ADAMTS5: variants seen among roughly 807,000 people sequenced by gnomAD.
ADAMTS5 encodes ADAM metallopeptidase with thrombospondin type 1 motif 5, also known as A disintegrin and metalloproteinase with thrombospondin motifs 5.
Under a neutral mutation model 81.4 loss-of-function variants are expected in ADAMTS5, and 54 were observed. That is an observed-to-expected ratio of 0.66 (90% CI 0.53 to 0.83). ADAMTS5 has a LOEUF of 0.83. Ranked by LOEUF, ADAMTS5 falls within the 40% of genes least tolerant of loss-of-function variation. The pLI, the probability that ADAMTS5 is intolerant of heterozygous loss-of-function variation, is 0.00. For missense variants in ADAMTS5, 1,194 were observed against 1,229.9 expected (o/e 0.97, Z 0.44); for synonymous variants, 532 against 508.8 (o/e 1.05, Z -0.61).
Position 26,924,252 on chromosome 21 carries a change from T to C in ADAMTS5, c.2594A>G (p.His865Arg), listed in dbSNP as rs111539348. ...STPKVNSVTS[H>R]GSNKVGSHTS... is the part of the protein sequence containing the mutation. Reference sequence around the variant, plus strand: ...GTGTGATCCCACTTTATTGCTGCCATGACTAGTGACAGAGTTTACTTTTGG... The same window carrying C: ...GTGTGATCCCACTTTATTGCTGCCACGACTAGTGACAGAGTTTACTTTTGG... Residue 865 changes from histidine (H) to arginine (R), a missense_variant, in exon 8 of 8, where the codon CAT (histidine) becomes CGT (arginine). By Grantham distance (29) the His-to-Arg change is conservative (BLOSUM62 0). This residue lies in a region of ADAMTS5 where 696 missense variants were observed against 817.6 expected (regional missense o/e 0.85). Transcript: ENST00000284987. 1 of 1,614,204 alleles carries C rather than the reference T, an allele frequency of 6.2e-7. No homozygotes were observed. The highest frequency in any genetic ancestry group is 2.2e-5 in the East Asian group (1 of 44,870).
At chr21:26,963,577 T>C (rs1987570525) in intron 1 of ADAMTS5, among the ~76,000 whole-genome samples, 1 of 128,216 alleles carries the variant, frequency 7.8e-6, no homozygotes, top group African/African-American at 3.0e-5. Flanking sequence ...CTCCAAAGCC[T>C]CCTTCTTGGC....
rs765253797 is a variant in ADAMTS5, at chr21:26,921,760, T to C, written c.*2293A>G. ...TTAAAAGCATGGAATAGTGGTTTAA[T>C]TGCTCTGAGCTCTCTAGGATTGTTT... On this transcript the variant is annotated 3_prime_UTR_variant, in exon 8 of 8. Transcript: ENST00000284987. 2 of 152,526 alleles carry C rather than the reference T, an allele frequency of 1.3e-5. No homozygotes were observed. The highest frequency in any genetic ancestry group is 2.9e-5 in the Non-Finnish European group (2 of 67,952). The allele number at this position is 152,526 out of a possible 1,614,324, so 9.4% of individuals were successfully genotyped here. A position where few individuals can be genotyped will look rare whatever the true frequency, so the allele number is the denominator to read the frequency against.
In ADAMTS5 at chr21:26,966,043, C is replaced by T. The variant is rs1987653643; in HGVS notation, c.349G>A (p.Gly117Arg). The change falls in exon 1 of 8, where the codon GGA becomes AGA. Residue 117 changes from glycine (G) to arginine (R), a missense_variant. This residue lies in a region of ADAMTS5 where 498 missense variants were observed against 412.3 expected (regional missense o/e 1.21). Transcript: ENST00000284987. ...SVGIAGFVPA[G>R]GGTSAPWRHR... ...CGCCAGGGCGCACTCGTCCCGCCTC[C>T]TGCGGGCACGAAGCCAGCAATGCCC... The T allele has an allele frequency of 3.7e-6, 6 of 1,613,240 alleles. No homozygotes were observed. Among genetic ancestry groups the T allele is most frequent in the Non-Finnish European group, 5.1e-6 (6 of 1,179,944 alleles).
chr21:26,927,445 A>G (rs186918170), intron 7 of ADAMTS5, among the ~76,000 whole-genome samples: 65 of 152,272 alleles, frequency 4.3e-4, no homozygotes, highest in East Asian at 1.5e-3. Context: ...GAGATTCTGG[A>G]AAGTGTACTG....
At chr21:26,958,266 A>G (rs1259021120) in intron 1 of ADAMTS5, among the ~76,000 whole-genome samples, 1 of 152,190 alleles carries the variant, frequency 6.6e-6, no homozygotes, top group Non-Finnish European at 1.5e-5. Flanking sequence ...AAATTAAGGA[A>G]GAACACCTTA....
chr21:26,966,747 G>T lies in ADAMTS5; in HGVS notation c.-356C>A, dbSNP rs1435828531. On this transcript the variant is annotated 5_prime_UTR_variant, in exon 1 of 8. Transcript: ENST00000284987. Reference sequence around the variant, plus strand: ...AAAACCACCAAATGCAGGCACGATCGCTGTTTCAAGAAAAGTAAGGAAAGG... The same window carrying T: ...AAAACCACCAAATGCAGGCACGATCTCTGTTTCAAGAAAAGTAAGGAAAGG... 6.6e-6 allele frequency among the ~76,000 whole-genome samples: 1 copy of T among 151,910 alleles called. No individual in the cohort carries two copies. Among genetic ancestry groups the T allele is most frequent in the Admixed American group, 6.6e-5 (1 of 15,262 alleles).
In ADAMTS5 at chr21:26,923,844, T is replaced by C; in HGVS notation, c.*209A>G. Reference sequence around the variant, plus strand: ...CAGGGGATGTTCAATAACTCCCAAGTTTTTCTATATTGCAAGGTCACCACT... The same window carrying C: ...CAGGGGATGTTCAATAACTCCCAAGCTTTTCTATATTGCAAGGTCACCACT... On this transcript the variant is annotated 3_prime_UTR_variant, in exon 8 of 8. Coordinates refer to ENST00000284987, the MANE Select transcript of ADAMTS5 (RefSeq NM_007038.5). 2.0e-6 allele frequency: 1 copy of C among 503,548 alleles called. No homozygotes were observed. Among genetic ancestry groups the C allele is most frequent in the Non-Finnish European group, 3.5e-6 (1 of 288,584 alleles). 31.2% of individuals were successfully genotyped at this position (503,548 alleles called of 1,614,324 possible).
In ADAMTS5 at chr21:26,966,538, G is replaced by A. The variant is rs2123216644; in HGVS notation, c.-147C>T. On this transcript the variant is annotated 5_prime_UTR_variant, in exon 1 of 8. Coordinates refer to ENST00000284987, the MANE Select transcript of ADAMTS5 (RefSeq NM_007038.5). ...GTGTCGGAGGGAGGGGGGCCCGGCAGCAGCGCCAGCCTGTCCGGGCTGCGG... is the reference window on the plus strand; with the variant it reads ...GTGTCGGAGGGAGGGGGGCCCGGCAACAGCGCCAGCCTGTCCGGGCTGCGG... The A allele has an allele frequency of 4.0e-6, 3 of 749,366 alleles. No homozygotes were observed. The highest frequency in any genetic ancestry group is 3.8e-6 in the Non-Finnish European group (2 of 526,484). 46.4% of individuals were successfully genotyped at this position (749,366 alleles called of 1,614,324 possible).
intron 7 of ADAMTS5, among the ~76,000 whole-genome samples, chr21:26,926,812 A>G (rs1600998462): frequency 6.6e-6 from 1 of 152,202 alleles, no homozygotes; most frequent in African/African-American, 2.4e-5. Context: ...GCAGAGTTTA[A>G]ATGATGCCCA....
In ADAMTS5 at chr21:26,965,831, T is replaced by C. The variant is rs1281640268; in HGVS notation, c.561A>G (p.Ala187=). 2.5e-6 allele frequency: 4 copies of C among 1,611,382 alleles called. No individual in the cohort carries two copies. The highest frequency in any genetic ancestry group is 1.7e-4 in the Middle Eastern group (1 of 6,056). The change falls in exon 1 of 8, where the codon GCA becomes GCG. Residue 187 remains alanine (A), a synonymous_variant. Transcript: ENST00000284987. ...EKGRVYGDGS[A]RILHVYTREG... ...CGCGGGTGTAGACGTGCAGGATCCG[T>C]GCGGACCCATCCCCGTACACGCGCC...
intron 2 of ADAMTS5, among the ~76,000 whole-genome samples, chr21:26,954,224 G>A (rs999818759): frequency 1.3e-5 from 2 of 152,010 alleles, no homozygotes; most frequent in Non-Finnish European, 2.9e-5. Flanking sequence ...ACCCTGTTGA[G>A]TGTCAGGCTT....
intron 3 of ADAMTS5, among the ~76,000 whole-genome samples, chr21:26,939,008 C>T (rs993864799): frequency 4.6e-5 from 7 of 152,204 alleles, no homozygotes; most frequent in African/African-American, 1.7e-4. Context: ...AGAAGCCTAA[C>T]ACCACTGCTT....
At position 26,965,709 on chromosome 21, in the gene ADAMTS5, G is replaced by A; in HGVS notation, c.683C>T (p.Pro228Leu). The A allele has an allele frequency of 6.3e-7, 1 of 1,584,456 alleles. No homozygotes were observed. Among genetic ancestry groups the A allele is most frequent in the South Asian group, 1.1e-5 (1 of 87,562 alleles). Residue 228 changes from proline to leucine, a missense_variant, in exon 1 of 8, where the codon CCG becomes CTG. Physicochemically the swap from Pro to Leu is moderately conservative, Grantham distance 98 (BLOSUM62 -3). This residue lies in a region of ADAMTS5 where 498 missense variants were observed against 412.3 expected (regional missense o/e 1.21). Coordinates refer to ENST00000284987, the MANE Select transcript of ADAMTS5 (RefSeq NM_007038.5). ...AHEHAPAHSN[P>L]SGRAALASQL... ...CGAGGCCAGTGCTGCGCGTCCGCTC[G>A]GGTTGCTGTGCGCCGGAGCATGCTC...
At chr21:26,931,746 G>A (rs1176697371) in intron 6 of ADAMTS5, among the ~76,000 whole-genome samples, 1 of 152,208 alleles carries the variant, frequency 6.6e-6, no homozygotes, top group African/African-American at 2.4e-5. Context: ...TTCCTTGACA[G>A]TGAGTTACAC....
intron 1 of ADAMTS5, among the ~76,000 whole-genome samples, chr21:26,963,249 A>G (rs779838683): frequency 6.6e-6 from 1 of 152,046 alleles, no homozygotes; most frequent in Non-Finnish European, 1.5e-5. Context: ...TCTATTTAAA[A>G]TATGCTGTTA....
Position 26,924,037 on chromosome 21 carries a change from A to C in ADAMTS5, c.*16T>G. On this transcript the variant is annotated 3_prime_UTR_variant, in exon 8 of 8. Transcript: ENST00000284987. Reference sequence around the variant, plus strand: ...AATCCTCCAGTTATCTTTGTGCATAAGATCATAACCACAGGCTAACATTTC... The same window carrying C: ...AATCCTCCAGTTATCTTTGTGCATACGATCATAACCACAGGCTAACATTTC... 1 of 1,572,136 alleles carries C rather than the reference A, an allele frequency of 6.4e-7. No homozygotes were observed.
rs1053506900 is a variant in ADAMTS5, at chr21:26,923,987, G to T, written c.*66C>A. ...TTTCTGTGCGTTAGGTAGACCTCCT[G>T]TTCACCACGACTGCATCAGTGCTGA... On this transcript the variant is annotated 3_prime_UTR_variant, in exon 8 of 8. Transcript: ENST00000284987. 8.5e-5 allele frequency: 126 copies of T among 1,478,400 alleles called. No individual in the cohort carries two copies. The East Asian group carries it at 2.5e-3, about 30-fold the overall frequency. The allele number at this position is 1,478,400 out of a possible 1,614,324, so 91.6% of individuals were successfully genotyped here. A position where few individuals can be genotyped will look rare whatever the true frequency, so the allele number is the denominator to read the frequency against.
intron 7 of ADAMTS5, among the ~76,000 whole-genome samples, chr21:26,927,247 C>T (rs760739556): frequency 3.0e-4 from 45 of 152,278 alleles, no homozygotes; most frequent in Non-Finnish European, 5.1e-4. Flanking sequence ...TTCAAGCATG[C>T]TCTCAGGGAA....
intron 1 of ADAMTS5, among the ~76,000 whole-genome samples, chr21:26,961,403 T>C (rs1169449089): frequency 6.6e-6 from 1 of 152,230 alleles, no homozygotes; most frequent in Non-Finnish European, 1.5e-5. Context: ...ATAGGCAGAA[T>C]TAACTGTTAC....
Sources: allele counts gnomAD v4.1 joint callset (sites outside exome capture counted in the v4.1 genomes callset), GRCh38; gene constraint gnomAD v4.1.1; regional missense constraint gnomAD v4.1.1; transcripts MANE v1.5; gene names NCBI Gene and HGNC (gene_info 2026-07-23, HGNC 2026-07-21).